TMEM131L: variants seen among roughly 807,000 people sequenced by gnomAD.
TMEM131L encodes the protein transmembrane 131 like, also known as transmembrane protein 131-like.
A neutral mutation model predicts 192.2 loss-of-function variants in TMEM131L; 54 were observed. That is an observed-to-expected ratio of 0.28 (90% CI 0.23 to 0.35). The LOEUF (loss-of-function observed/expected upper bound fraction) is 0.35. Among genes scored for constraint, TMEM131L ranks in the 10% least tolerant of loss-of-function variants. TMEM131L has a pLI of 1.00. For missense variants in TMEM131L, 1,888 were observed against 1,972.9 expected (o/e 0.96, Z 0.82); for synonymous variants, 701 against 704.9 (o/e 0.99, Z 0.09).
At chr4:153,628,158 A>C (rs114577656) in intron 31 of TMEM131L, among the ~76,000 whole-genome samples, 3,603 of 152,290 alleles carry the variant, frequency 0.024, 89 homozygotes, top group Admixed American at 0.081. Flanking sequence ...TTAGAAGCCT[A>C]CTAATTCAGC....
intron 3 of TMEM131L, among the ~76,000 whole-genome samples, chr4:153,531,126 A>G (rs1735868807): frequency 6.6e-6 from 1 of 152,224 alleles, no homozygotes; most frequent in Admixed American, 6.5e-5. Flanking sequence ...AGTGGTTCCC[A>G]AATGCATGTA....
At chr4:153,629,020 G>GCCCC (rs1734036828) in intron 31 of TMEM131L, among the ~76,000 whole-genome samples, 2 of 152,254 alleles carry the variant, frequency 1.3e-5, no homozygotes, top group Admixed American at 1.3e-4. Context: ...CTGATCCATT[G>GCCCC]TTACAGTCAT....
intron 3 of TMEM131L, among the ~76,000 whole-genome samples, chr4:153,480,870 C>T (rs543435404): frequency 5.9e-5 from 9 of 152,242 alleles, no homozygotes; most frequent in Admixed American, 2.0e-4. Flanking sequence ...CTCTCGCTGT[C>T]CCCAGTTCCT....
In TMEM131L at chr4:153,622,919, A is replaced by C. The variant is rs766875921; in HGVS notation, c.3881A>C (p.Glu1294Ala). 1.2e-6 allele frequency: 2 copies of C among 1,614,236 alleles called. No individual in the cohort carries two copies. Among genetic ancestry groups the C allele is most frequent in the Non-Finnish European group, 1.7e-6 (2 of 1,180,046 alleles). ...REAEGYYQKPEKKCVDKFCSD... is the reference protein window; with the variant it reads ...REAEGYYQKPAKKCVDKFCSD... ...CCAGAAGGTTACTACCAGAAGCCTG[A>C]GAAGAAATGTGTGGACAAGTTCTGC... The change falls in exon 29 of 35, where the codon GAG (glutamate) becomes GCG (alanine). Residue 1294 changes from glutamate to alanine, a missense_variant. Glu to Ala is a moderately radical substitution (Grantham distance 107). Coordinates refer to ENST00000409959, the MANE Select transcript of TMEM131L (RefSeq NM_001131007.2).
rs1446072847 is a variant in TMEM131L at position 153,603,440 on chromosome 4, C to T, written c.2777C>T (p.Pro926Leu). 16 of 1,613,264 alleles carry T rather than the reference C, an allele frequency of 9.9e-6. No homozygotes were observed. The highest frequency in any genetic ancestry group is 1.3e-5 in the African/African-American group (1 of 74,876). Residue 926 changes from proline (P) to leucine (L), a missense_variant, in exon 24 of 35, where the codon CCC (proline) becomes CTC (leucine). By Grantham distance (98) the Pro-to-Leu change is moderately conservative. Transcript: ENST00000409959. ...AATGGTCCTATGGATGTAATCAGCC[C>T]CCATTCTTACAAGTAAGAATTCTTA... ...QNNGPMDVIS[P>L]HSYKSNCKNF... is the part of the protein sequence containing the mutation.
chr4:153,483,988 T>C (rs1474375850), intron 3 of TMEM131L, among the ~76,000 whole-genome samples: 1 of 152,164 alleles, frequency 6.6e-6, no homozygotes, highest in Non-Finnish European at 1.5e-5. Context: ...CTGGATATGT[T>C]ATGATATTAA....
At chr4:153,474,511 T>C (rs1013477543) in intron 3 of TMEM131L, among the ~76,000 whole-genome samples, 3 of 152,188 alleles carry the variant, frequency 2.0e-5, no homozygotes, top group Non-Finnish European at 4.4e-5. Context: ...GATGGTGAGA[T>C]AAGGTATGTA....
At chr4:153,487,567 T>G (rs1169743721) in intron 3 of TMEM131L, among the ~76,000 whole-genome samples, 2 of 152,176 alleles carry the variant, frequency 1.3e-5, no homozygotes, top group Non-Finnish European at 1.5e-5. Context: ...GAAGTAAGTT[T>G]GGCAGAAAAC....
chr4:153,537,737 A>G (rs1416223045), intron 3 of TMEM131L, among the ~76,000 whole-genome samples: 1 of 152,168 alleles, frequency 6.6e-6, no homozygotes, highest in Non-Finnish European at 1.5e-5. Flanking sequence ...TCCAAGACTT[A>G]GAATGCCTTA....
At chr4:153,569,268 T>C (rs1211606983) in intron 7 of TMEM131L, among the ~76,000 whole-genome samples, 2 of 152,178 alleles carry the variant, frequency 1.3e-5, no homozygotes, top group African/African-American at 4.8e-5. Flanking sequence ...GCTTTCACCT[T>C]CTTGGACCTG....
In TMEM131L at chr4:153,503,675, G is replaced by A. The variant is rs1408922220; in HGVS notation, c.239+29787G>A. On this transcript the variant is annotated intron_variant, in intron 3 of 34. Coordinates refer to ENST00000409959, the MANE Select transcript of TMEM131L (RefSeq NM_001131007.2). ...TTACTAGTGATATGATTTGGGGCAA[G>A]TCACTTAACTTCTGAGTTAGACGGG... 2.0e-5 allele frequency among the ~76,000 whole-genome samples: 3 copies of A among 152,198 alleles called. No homozygotes were observed. The East Asian group carries it at 5.8e-4, about 29-fold the overall frequency.
chr4:153,479,484 G>A (rs564294248), intron 3 of TMEM131L, among the ~76,000 whole-genome samples: 1 of 152,208 alleles, frequency 6.6e-6, no homozygotes, highest in African/African-American at 2.4e-5. Context: ...AGCATGTCTG[G>A]CTCTCTGTAT....
At chr4:153,597,744 G>C (rs1470008296) in intron 20 of TMEM131L, among the ~76,000 whole-genome samples, 1 of 152,084 alleles carries the variant, frequency 6.6e-6, no homozygotes, top group Non-Finnish European at 1.5e-5. Flanking sequence ...ACCAGCCTGG[G>C]CAATGTGGTG....
chr4:153,530,621 A>G (rs1735825340), intron 3 of TMEM131L, among the ~76,000 whole-genome samples: 1 of 152,112 alleles, frequency 6.6e-6, no homozygotes, highest in Non-Finnish European at 1.5e-5. Context: ...TTCATTGGGT[A>G]TTTTCACAAG....
At chr4:153,586,469 GTTAAGCTCACGTTCT>G in intron 14 of TMEM131L, 90 bp downstream of exon 14, 1 of 940,132 alleles carries the variant, frequency 1.1e-6, no homozygotes, top group East Asian at 2.9e-5. Context: ...TATTAACTGG[GTTAAGCTCACGTTCT>G]TTAAGGCTAA....
At chr4:153,577,845 A>G (rs1457146397) in intron 7 of TMEM131L, among the ~76,000 whole-genome samples, 3 of 152,218 alleles carry the variant, frequency 2.0e-5, no homozygotes, top group East Asian at 1.9e-4. Flanking sequence ...GGCACACAGC[A>G]AAGGTGGCCA....
intron 7 of TMEM131L, among the ~76,000 whole-genome samples, chr4:153,567,547 C>CT (rs33994147): frequency 0.017 from 2,364 of 138,988 alleles, 64 homozygotes; most frequent in African/African-American, 0.054. Context: ...TTCCCCCAGG[C>CT]TTTTTTTTTT....
chr4:153,486,758 C>G (rs1732363766), intron 3 of TMEM131L, among the ~76,000 whole-genome samples: 1 of 152,358 alleles, frequency 6.6e-6, no homozygotes, highest in Admixed American at 6.5e-5. Context: ...CTGCACTCAC[C>G]TTGAACCACT....
rs6848033 is a variant in TMEM131L, at chr4:153,558,278, T to C, written c.570T>C (p.Arg190=). Residue 190 remains arginine, a synonymous_variant, in exon 7 of 35, where the codon CGT becomes CGC. Coordinates refer to ENST00000409959, the MANE Select transcript of TMEM131L (RefSeq NM_001131007.2). The stretch of plus-strand genomic sequence containing the variant: ...CGCAGGTATCTGGAATTGGCACTCG[T>C]AGAATCTCTACAGAAGGGTCTGCAA... ...LSYHVSGIGT[R]RISTEGSAKQ... is the part of the protein sequence containing the mutation. 0.41 allele frequency: 653,756 copies of C among 1,589,338 alleles called. 144,061 individuals are homozygous for C. Among genetic ancestry groups the C allele is most frequent in the African/African-American group, 0.75 (55,958 of 74,574 alleles).
Sources: gnomAD v4.1 joint callset for allele counts (sites outside exome capture counted in the v4.1 genomes callset) on GRCh38, gnomAD v4.1.1 for gene constraint, MANE v1.5 for transcripts, NCBI Gene and HGNC (gene_info 2026-07-23, HGNC 2026-07-21) for gene names.